The following CDH12 variants were observed in gnomAD, a reference collection of about 807,000 sequenced individuals.
CDH12 encodes cadherin 12, also known as cadherin-12.
CDH12 carries 41 observed loss-of-function variants against 74.1 expected under a neutral mutation model. The observed-to-expected ratio is 0.55, with a 90% CI of 0.43 to 0.72. The LOEUF is 0.72. CDH12 is among the 30% of genes least tolerant of loss of function. CDH12 has a pLI of 0.00. For synonymous variants in CDH12, 399 were observed against 355.0 expected, an observed-to-expected ratio of 1.12 and a Z score of -1.39; for missense variants, 945 against 977.2, an observed-to-expected ratio of 0.97 and a Z score of 0.44.
intron 2 of CDH12, among the ~76,000 whole-genome samples, chr5:22,453,816 A>G (rs1745148571): frequency 6.6e-6 from 1 of 152,164 alleles, no homozygotes; most frequent in African/African-American, 2.4e-5. Flanking sequence ...CACGATGTAT[A>G]CATGTATATA....
intron 11 of CDH12, among the ~76,000 whole-genome samples, chr5:21,773,349 T>C (rs1745424048): frequency 6.6e-6 from 1 of 152,124 alleles, no homozygotes; most frequent in East Asian, 1.9e-4. Flanking sequence ...CACCCTCAAT[T>C]CAGGTGGGCC....
At chr5:22,462,772 A>G (rs1015643252) in intron 2 of CDH12, among the ~76,000 whole-genome samples, 4 of 152,238 alleles carry the variant, frequency 2.6e-5, no homozygotes, top group Admixed American at 6.5e-5. Context: ...ATAAACCTCT[A>G]GTGAAAGTCA....
chr5:22,637,799 C>CT (rs1738919673), intron 1 of CDH12, among the ~76,000 whole-genome samples: 1 of 152,136 alleles, frequency 6.6e-6, no homozygotes, highest in South Asian at 2.1e-4. Flanking sequence ...TGGTCAGTTA[C>CT]TATGAAATTC....
At chr5:21,954,385 T>G (rs1320083079) in intron 6 of CDH12, among the ~76,000 whole-genome samples, 2 of 152,020 alleles carry the variant, frequency 1.3e-5, no homozygotes, top group African/African-American at 4.8e-5. Context: ...TGTGAGTGCC[T>G]GCACACACAC....
In CDH12 at chr5:22,685,440, G is replaced by A. The variant is rs550358090; in HGVS notation, c.-523+167618C>T. ...TTTAGTAGAAATGGGGTTTCACTAC[G>A]TCGGCCAGGATGGTCTCGATCTCCT... On this transcript the variant is annotated intron_variant, in intron 1 of 14. Coordinates refer to ENST00000382254, the MANE Select transcript of CDH12 (RefSeq NM_004061.5). 7.9e-5 allele frequency among the ~76,000 whole-genome samples: 12 copies of A among 152,190 alleles called. No individual in the cohort carries two copies. In the East Asian group the frequency reaches 1.9e-3, roughly 25 times the overall value.
chr5:22,482,306 A>G (rs1746414143), intron 2 of CDH12, among the ~76,000 whole-genome samples: 1 of 152,092 alleles, frequency 6.6e-6, no homozygotes, highest in African/African-American at 2.4e-5. Context: ...CCGCCACACA[A>G]TCAGGTCTAT....
In CDH12 at chr5:22,649,808, T is replaced by A. The variant is rs1739638223; in HGVS notation, c.-522-144444A>T. ...GGAATCATATGATAAAATCCAGATA[T>A]CCATTATTAGAGAACCTCAATTCTA... On this transcript the variant is annotated intron_variant, in intron 1 of 14. Transcript: ENST00000382254. 2.6e-5 allele frequency among the ~76,000 whole-genome samples: 4 copies of A among 151,890 alleles called. No individual in the cohort carries two copies. In the South Asian group the frequency reaches 8.3e-4, roughly 31 times the overall value.
intron 9 of CDH12, among the ~76,000 whole-genome samples, chr5:21,812,761 C>T (rs1428975031): frequency 6.6e-6 from 1 of 152,054 alleles, no homozygotes; most frequent in African/African-American, 2.4e-5. Context: ...TTTTAAGTTT[C>T]ATTACAAAAA....
chr5:21,916,810 C>A (rs1754118485), intron 6 of CDH12, among the ~76,000 whole-genome samples: 1 of 152,180 alleles, frequency 6.6e-6, no homozygotes, highest in Non-Finnish European at 1.5e-5. Context: ...TAGGAGATAC[C>A]CCACTAGGCA....
In CDH12 at chr5:22,042,090, A is replaced by T. The variant is rs536273724; in HGVS notation, c.231+36356T>A. Among the ~76,000 whole-genome samples the T allele has an allele frequency of 8.9e-4, 135 of 152,294 alleles. 1 individual carries two copies. The highest frequency in any genetic ancestry group is 1.5e-3 in the Non-Finnish European group (105 of 68,012). Reference sequence around the variant, plus strand: ...ATAAATAAATTAAAAGTGAAATCAGAATATTTCAAGAGACAAATGAAAATG... The same window carrying T: ...ATAAATAAATTAAAAGTGAAATCAGTATATTTCAAGAGACAAATGAAAATG... On this transcript the variant is annotated intron_variant, in intron 5 of 14. Transcript: ENST00000382254.
intron 9 of CDH12, among the ~76,000 whole-genome samples, chr5:21,815,169 T>G (rs1297037978): frequency 1.3e-5 from 2 of 152,104 alleles, no homozygotes; most frequent in East Asian, 3.8e-4. Flanking sequence ...CTTGTTAAAA[T>G]TCAGAATTCC....
At chr5:22,379,815 G>T (rs184301001) in intron 3 of CDH12, among the ~76,000 whole-genome samples, 2 of 152,252 alleles carry the variant, frequency 1.3e-5, no homozygotes, top group East Asian at 3.9e-4. Flanking sequence ...GAGTGCAAAG[G>T]TTTCATCAGT....
intron 3 of CDH12, among the ~76,000 whole-genome samples, chr5:22,243,319 G>A (rs571287611): frequency 1.0e-3 from 157 of 152,202 alleles, no homozygotes; most frequent in Middle Eastern, 3.4e-3. Flanking sequence ...TGTAAATGGC[G>A]TTACCCACAT....
chr5:22,353,881 A>G (rs1182880916), intron 3 of CDH12, among the ~76,000 whole-genome samples: 2 of 152,204 alleles, frequency 1.3e-5, no homozygotes, highest in Non-Finnish European at 1.5e-5. Flanking sequence ...ACCCTGGTAC[A>G]TGGATTGCAT....
intron 4 of CDH12, among the ~76,000 whole-genome samples, chr5:22,167,036 C>T (rs188360957): frequency 0.042 from 6,368 of 151,980 alleles, 187 homozygotes; most frequent in Non-Finnish European, 0.062. Context: ...AAGTGTTTTC[C>T]AACTGAGCAT....
At chr5:21,952,316 C>A (rs1290215190) in intron 6 of CDH12, among the ~76,000 whole-genome samples, 1 of 152,062 alleles carries the variant, frequency 6.6e-6, no homozygotes, top group Non-Finnish European at 1.5e-5. Context: ...GCTTTGGAGG[C>A]TGCAAATGGA....
chr5:22,276,759 T>TA (rs1195262275), intron 3 of CDH12, among the ~76,000 whole-genome samples: 2 of 152,222 alleles, frequency 1.3e-5, no homozygotes, highest in Non-Finnish European at 2.9e-5. Flanking sequence ...CGATCTCAGC[T>TA]CACTGCAACC....
chr5:22,284,004 A>C (rs767761638), intron 3 of CDH12, among the ~76,000 whole-genome samples: 2 of 152,130 alleles, frequency 1.3e-5, no homozygotes, highest in Non-Finnish European at 2.9e-5. Flanking sequence ...AGCAGCTGTC[A>C]ATTTTTAAAA....
At chr5:22,737,760 G>T (rs1273942876) in intron 1 of CDH12, among the ~76,000 whole-genome samples, 1 of 151,916 alleles carries the variant, frequency 6.6e-6, no homozygotes, top group East Asian at 1.9e-4. Context: ...TAGAACTTTT[G>T]GTGGGAAACA....
Sources: allele counts gnomAD v4.1 joint callset (sites outside exome capture counted in the v4.1 genomes callset), GRCh38; gene constraint gnomAD v4.1.1; transcripts MANE v1.5; gene names NCBI Gene and HGNC (gene_info 2026-07-23, HGNC 2026-07-21).